The following KIAA0825 variants were observed in gnomAD, a reference collection of about 807,000 sequenced individuals.
KIAA0825 encodes the protein uncharacterized protein KIAA0825.
A neutral mutation model predicts 147.6 loss-of-function variants in KIAA0825; 119 were observed. The observed-to-expected ratio is 0.81, with a 90% confidence interval of 0.69 to 0.94. The LOEUF (loss-of-function observed/expected upper bound fraction) is 0.94. KIAA0825 is among the 40% of genes least tolerant of loss of function. The pLI is 0.00. For synonymous variants in KIAA0825, 470 were observed against 518.1 expected, an observed-to-expected ratio of 0.91 and a Z score of 1.26; for missense variants, 1,381 against 1,472.7, an observed-to-expected ratio of 0.94 and a Z score of 1.02.
At chr5:94,206,737 C>A (rs1006071327) in intron 20 of KIAA0825, among the ~76,000 whole-genome samples, 1 of 152,096 alleles carries the variant, frequency 6.6e-6, no homozygotes, top group African/African-American at 2.4e-5. Context: ...TTATCTCTTT[C>A]CCTTTCTCAG....
chr5:94,488,827 A>G (rs1054126700), intron 5 of KIAA0825, among the ~76,000 whole-genome samples: 1 of 152,236 alleles, frequency 6.6e-6, no homozygotes, highest in African/African-American at 2.4e-5. Context: ...AGTAATTCAC[A>G]AGGCTAATTA....
intron 7 of KIAA0825, among the ~76,000 whole-genome samples, chr5:94,474,945 C>A (rs540612147): frequency 1.5e-3 from 224 of 152,064 alleles, no homozygotes; most frequent in Middle Eastern, 6.8e-3. Flanking sequence ...AAAAATTAGC[C>A]GGGCGTGGTG....
chr5:94,430,591 A>T (rs535494057), intron 14 of KIAA0825, among the ~76,000 whole-genome samples: 1 of 152,236 alleles, frequency 6.6e-6, no homozygotes, highest in East Asian at 1.9e-4. Context: ...AAATGAAATA[A>T]TATGTTAAAT....
At chr5:94,544,464 G>C (rs1416472336) in intron 2 of KIAA0825, among the ~76,000 whole-genome samples, 1 of 152,196 alleles carries the variant, frequency 6.6e-6, no homozygotes, top group African/African-American at 2.4e-5. Context: ...TTACTCCAGG[G>C]AATGGCTCTT....
intron 20 of KIAA0825, among the ~76,000 whole-genome samples, chr5:94,206,179 C>T (rs565909463): frequency 2.0e-5 from 3 of 152,212 alleles, no homozygotes; most frequent in African/African-American, 7.2e-5. Flanking sequence ...AGCATATATT[C>T]TAATTTTTAT....
Position 94,471,590 on chromosome 5 carries a change from C to T in KIAA0825, c.1597G>A (p.Glu533Lys). ...TTGGAAGGAACCTCCTTGGCTCTCT[C>T]TTGCAGTCTCTGCAGGACAGCTGTT... ...VATAVLQRLQ[E>K]RAKEVPSKAP... is the part of the protein sequence containing the mutation. The change falls in exon 9 of 21, where the codon GAG (glutamate) becomes AAG (lysine). Residue 533 changes from glutamate (E) to lysine (K), a missense_variant. Coordinates refer to ENST00000682413, the MANE Select transcript of KIAA0825 (RefSeq NM_001145678.3). 6.4e-7 allele frequency: 1 copy of T among 1,551,956 alleles called. No homozygotes were observed. Among genetic ancestry groups the T allele is most frequent in the Non-Finnish European group, 8.7e-7 (1 of 1,147,042 alleles).
chr5:94,607,963 C>T (rs1047948231), intron 1 of KIAA0825, among the ~76,000 whole-genome samples: 1 of 152,120 alleles, frequency 6.6e-6, no homozygotes, highest in African/African-American at 2.4e-5. Context: ...CTCCCTCTTC[C>T]ACTTTTGAGA....
intron 1 of KIAA0825, chr5:94,618,239 T>G (rs2152456939): frequency 6.6e-6 from 1 of 152,370 alleles, no homozygotes; most frequent in Middle Eastern, 3.4e-3. Context: ...GTACACGGTG[T>G]CTTCGGCCTC....
intron 2 of KIAA0825, among the ~76,000 whole-genome samples, chr5:94,545,518 C>T (rs551504577): frequency 1.3e-5 from 2 of 152,244 alleles, no homozygotes; most frequent in Admixed American, 1.3e-4. Flanking sequence ...TGGATACTAG[C>T]TCAGCAACAA....
intron 20 of KIAA0825, among the ~76,000 whole-genome samples, chr5:94,375,544 T>C (rs1049417235): frequency 2.6e-5 from 4 of 152,178 alleles, no homozygotes; most frequent in Admixed American, 2.6e-4. Context: ...TACTGGTTAA[T>C]ATCCAAATGT....
intron 20 of KIAA0825, among the ~76,000 whole-genome samples, chr5:94,317,050 A>C (rs1364591512): frequency 2.6e-5 from 4 of 151,830 alleles, no homozygotes; most frequent in African/African-American, 9.7e-5. Context: ...TGCCTAAACT[A>C]GATAGTAAGA....
intron 5 of KIAA0825, among the ~76,000 whole-genome samples, chr5:94,517,447 T>C (rs1467544250): frequency 6.6e-6 from 1 of 152,078 alleles, no homozygotes; most frequent in Admixed American, 6.5e-5. Flanking sequence ...AGATGAATGA[T>C]GGAAAATTTA....
At chr5:94,545,159 T>C (rs1471749760) in intron 2 of KIAA0825, among the ~76,000 whole-genome samples, 1 of 151,922 alleles carries the variant, frequency 6.6e-6, no homozygotes, top group Non-Finnish European at 1.5e-5. Context: ...GAGGGAACAT[T>C]TGAACCAGCC....
chr5:94,153,799 A>C lies in KIAA0825; in HGVS notation c.*208T>G. The C allele has an allele frequency of 2.5e-6, 1 of 405,184 alleles. No individual in the cohort carries two copies. Among genetic ancestry groups the C allele is most frequent in the Non-Finnish European group, 4.4e-6 (1 of 228,504 alleles). The allele number at this position is 405,184 out of a possible 1,614,324, so 25.1% of individuals were successfully genotyped here. On this transcript the variant is annotated 3_prime_UTR_variant, in exon 21 of 21. Coordinates refer to ENST00000682413, the MANE Select transcript of KIAA0825 (RefSeq NM_001145678.3). ...ATCATATAAAGAGAAAGATTGGGGA[A>C]AGAAAAACATTTGAAATTATTTTTA...
chr5:94,406,470 G>T (rs1240938580), intron 15 of KIAA0825, among the ~76,000 whole-genome samples: 2 of 152,102 alleles, frequency 1.3e-5, no homozygotes, highest in Admixed American at 6.6e-5. Context: ...TTTAATGAAG[G>T]CATTGGCCTC....
chr5:94,528,554 C>T (rs977519656), intron 3 of KIAA0825, among the ~76,000 whole-genome samples: 2 of 152,136 alleles, frequency 1.3e-5, no homozygotes, highest in African/African-American at 4.8e-5. Flanking sequence ...GTAGTACTGG[C>T]AGGACCAAAG....
chr5:94,462,605 A>G, intron 11 of KIAA0825, 36 bp from the exon 12 acceptor site: 1 of 1,298,338 alleles, frequency 7.7e-7, no homozygotes, highest in Non-Finnish European at 1.0e-6. Flanking sequence ...CATGTTAAAC[A>G]AAATAATGTC....
At chr5:94,441,650 G>A (rs1172476869) in intron 13 of KIAA0825, among the ~76,000 whole-genome samples, 1 of 152,246 alleles carries the variant, frequency 6.6e-6, no homozygotes, top group Admixed American at 6.5e-5. Context: ...GATACAAGAA[G>A]TTCGCTATGG....
intron 20 of KIAA0825, among the ~76,000 whole-genome samples, chr5:94,225,941 G>T (rs1445355169): frequency 6.6e-6 from 1 of 152,120 alleles, no homozygotes; most frequent in Non-Finnish European, 1.5e-5. Flanking sequence ...TACCATTCAG[G>T]ACATAGGCAG....
Sources: allele counts gnomAD v4.1 joint callset (sites outside exome capture counted in the v4.1 genomes callset), GRCh38; gene constraint gnomAD v4.1.1; transcripts MANE v1.5; gene names NCBI Gene and HGNC (gene_info 2026-07-23, HGNC 2026-07-21).